The following MED17 variants were observed in gnomAD, a reference collection of about 807,000 sequenced individuals.
MED17 encodes the protein mediator of RNA polymerase II transcription subunit 17.
MED17 carries 49 observed loss-of-function variants against 80.8 expected under a neutral mutation model. The observed-to-expected ratio is 0.61, with a 90% CI of 0.48 to 0.77. The LOEUF (loss-of-function observed/expected upper bound fraction) is 0.77, where lower values mean the gene tolerates loss of function less well. Ranked by LOEUF, MED17 falls within the 30% of genes least tolerant of loss-of-function variation. The pLI, the probability that MED17 is intolerant of heterozygous loss-of-function variation, is 0.00. For missense variants in MED17, 718 were observed against 787.0 expected (o/e 0.91, Z 1.05); for synonymous variants, 281 against 280.4 (o/e 1.00, Z -0.02).
intron 5 of MED17, 189 bp downstream of exon 5, chr11:93,794,224 G>C (rs1943876237): frequency 4.9e-6 from 2 of 404,168 alleles, no homozygotes; most frequent in Admixed American, 8.7e-5. Context: ...TTTTTTTTGA[G>C]ACCAAGTTTC....
In MED17 at chr11:93,796,502, T is replaced by C. The variant is rs1349418209; in HGVS notation, c.1105T>C (p.Tyr369His). 1 of 1,614,172 alleles carries C rather than the reference T, an allele frequency of 6.2e-7. No individual in the cohort carries two copies. The highest frequency in any genetic ancestry group is 8.5e-7 in the Non-Finnish European group (1 of 1,179,994). ...TEKQCPEDHL[Y>H]VLEHNLHLLI... ...GAAGCAATGTCCGGAGGACCACCTT[T>C]ATGTCCTAGAGCATAATTTGCATCT... Residue 369 changes from tyrosine (Y) to histidine (H), a missense_variant, in exon 7 of 12, where the codon TAT becomes CAT. Transcript: ENST00000251871.
In MED17 at chr11:93,814,825, A is replaced by G. The variant is rs995217239; in HGVS notation, c.*2761A>G. On this transcript the variant is annotated 3_prime_UTR_variant, in exon 12 of 12. Coordinates refer to ENST00000251871, the MANE Select transcript of MED17 (RefSeq NM_004268.5). ...CATCAGATTTCTTTGCTGGAACACC[A>G]TCAAATCAAAGGGATAACCTGATTA... 5 of 152,202 alleles carry G rather than the reference A, an allele frequency of 3.3e-5. No homozygotes were observed. Among genetic ancestry groups the G allele is most frequent in the African/African-American group, 1.2e-4 (5 of 41,444 alleles). The allele number at this position is 152,202 out of a possible 1,614,324, so 9.4% of individuals were successfully genotyped here.
chr11:93,787,050 C>T lies in MED17; in HGVS notation c.251-951C>T, dbSNP rs189406152. 3.3e-3 allele frequency among the ~76,000 whole-genome samples: 496 copies of T among 151,554 alleles called. 5 individuals carry two copies. The highest frequency in any genetic ancestry group is 4.3e-3 in the Non-Finnish European group (290 of 67,900). On this transcript the variant is annotated intron_variant, in intron 1 of 11. Coordinates refer to ENST00000251871, the MANE Select transcript of MED17 (RefSeq NM_004268.5). ...GTCTCTAGGAAATATTAAGTGGGGG[C>T]GGGGGAAAGGCAAGTAATAGAAAAT...
In MED17 at chr11:93,808,369, TAAAAAAAAAAAAAA is replaced by T. The variant is rs137922903; in HGVS notation, c.1584+744_1584+757del. 7.4e-5 allele frequency: 8 copies of T among 107,722 alleles called. No individual in the cohort carries two copies. The East Asian group carries it at 1.8e-3, about 24-fold the overall frequency. 6.7% of individuals were successfully genotyped at this position (107,722 alleles called of 1,614,324 possible). A position where few individuals can be genotyped will look rare whatever the true frequency, so the allele number is the denominator to read the frequency against. On this transcript the variant is annotated intron_variant, in intron 10 of 11. Coordinates refer to ENST00000251871, the MANE Select transcript of MED17 (RefSeq NM_004268.5). ...GACAGAGCAAGATACCATCTCTTTT[TAAAAAAAAAAAAAA>T]AAAAAAAAAGGTGATGTGTTCTAGT...
In MED17 at chr11:93,812,445, C is replaced by CTTTTTTTTTTTTT. The variant is rs553014429; in HGVS notation, c.*392_*393insTTTTTTTTTTTTT. 13 of 352,800 alleles carry CTTTTTTTTTTTTT rather than the reference C, an allele frequency of 3.7e-5. No individual in the cohort carries two copies. Among genetic ancestry groups the CTTTTTTTTTTTTT allele is most frequent in the African/African-American group, 2.2e-4 (10 of 45,032 alleles). 21.9% of individuals were successfully genotyped at this position (352,800 alleles called of 1,614,324 possible). ...TTTTTCCCCCCAAATACTTTCTAAA[C>CTTTTTTTTTTTTT]TTTTTTTTTTTGAGATGGTATCTCA... On this transcript the variant is annotated 3_prime_UTR_variant, in exon 12 of 12. Transcript: ENST00000251871.
intron 1 of MED17, 48 bp from the exon 2 acceptor site, chr11:93,787,953 A>G (rs1248018760): frequency 5.3e-6 from 8 of 1,495,636 alleles, no homozygotes; most frequent in Admixed American, 3.3e-5. Flanking sequence ...CTGCCATTCA[A>G]TGTAACGAAT....
At chr11:93,802,084 C>T in intron 9 of MED17, 112 bp downstream of exon 9, 1 of 987,522 alleles carries the variant, frequency 1.0e-6, no homozygotes, top group South Asian at 1.5e-5. Context: ...CATAATATTT[C>T]TGTAAATTAT....
intron 8 of MED17, among the ~76,000 whole-genome samples, chr11:93,799,225 A>G (rs1591387295): frequency 6.9e-6 from 1 of 144,098 alleles, no homozygotes; most frequent in Admixed American, 7.2e-5. Flanking sequence ...TGTGTCACCC[A>G]GGCTGGAGTG....
chr11:93,794,002 C>CT lies in MED17; in HGVS notation c.827dup (p.Phe277LeufsTer29). On this transcript the variant is annotated frameshift_variant, in exon 5 of 12. Coordinates refer to ENST00000251871, the MANE Select transcript of MED17 (RefSeq NM_004268.5). LOFTEE classifies it high-confidence loss of function. The stretch of plus-strand genomic sequence containing the variant: ...TATAGGTGACCTCGGCACAGTTAAC[C>CT]TCTTCAAACGACCTTTGCCCAAATC... 6.2e-7 allele frequency: 1 copy of CT among 1,613,982 alleles called. No homozygotes were observed. The highest frequency in any genetic ancestry group is 2.2e-5 in the East Asian group (1 of 44,848).
rs1275468717 is a variant in MED17, at chr11:93,790,622, G to C, written c.466G>C (p.Ala156Pro). ...LISKKKSLAG[A>P]AQILLKGAER... The stretch of plus-strand genomic sequence containing the variant: ...ATCTAAAAAGAAGTCACTTGCTGGA[G>C]CAGCACAAATCTTATTGAAGGGGGC... The change falls in exon 3 of 12, where the codon GCA becomes CCA. Residue 156 changes from alanine to proline, a missense_variant. Transcript: ENST00000251871. The C allele has an allele frequency of 1.2e-6, 2 of 1,614,172 alleles. No individual in the cohort carries two copies. Among genetic ancestry groups the C allele is most frequent in the African/African-American group, 2.7e-5 (2 of 75,044 alleles).
At chr11:93,795,152 A>G (rs1943886808) in intron 6 of MED17, 92 bp downstream of exon 6, 18 of 1,365,030 alleles carry the variant, frequency 1.3e-5, no homozygotes, top group East Asian at 2.3e-5. Flanking sequence ...TATTGGGAGA[A>G]TAATGAGAGC....
At position 93,812,297 on chromosome 11, in the gene MED17, T is replaced by A; in HGVS notation, c.*233T>A. ...TACAGTATGACAAGATGTAAAATAA[T>A]ATGTTTTTCATGCAGTTTAAAATAT... On this transcript the variant is annotated 3_prime_UTR_variant, in exon 12 of 12. Coordinates refer to ENST00000251871, the MANE Select transcript of MED17 (RefSeq NM_004268.5). The A allele has an allele frequency of 3.5e-6, 2 of 576,234 alleles. No individual in the cohort carries two copies. Among genetic ancestry groups the A allele is most frequent in the South Asian group, 4.8e-5 (2 of 41,602 alleles). The allele number at this position is 576,234 out of a possible 1,614,324, so 35.7% of individuals were successfully genotyped here.
chr11:93,793,994 C>T lies in MED17; in HGVS notation c.818C>T (p.Thr273Ile). 1 of 1,614,028 alleles carries T rather than the reference C, an allele frequency of 6.2e-7. No individual in the cohort carries two copies. Among genetic ancestry groups the T allele is most frequent in the Non-Finnish European group, 8.5e-7 (1 of 1,179,986 alleles). Residue 273 changes from threonine to isoleucine, a missense_variant, in exon 5 of 12, where the codon ACA becomes ATA. Physicochemically the swap from Thr to Ile is moderately conservative, Grantham distance 89. Coordinates refer to ENST00000251871, the MANE Select transcript of MED17 (RefSeq NM_004268.5). ...GCTCCAGATATAGGTGACCTCGGCA[C>T]AGTTAACCTCTTCAAACGACCTTTG... ...KQAPDIGDLG[T>I]VNLFKRPLPK...
chr11:93,797,370 T>G, intron 7 of MED17, 165 bp from the exon 8 acceptor site: 1 of 667,548 alleles, frequency 1.5e-6, no homozygotes, highest in Non-Finnish European at 2.6e-6. Flanking sequence ...CAGTCTTGCA[T>G]TATGTGTGAC....
chr11:93,797,165 G>A, intron 7 of MED17: 1 of 252,462 alleles, frequency 4.0e-6, no homozygotes, highest in Non-Finnish European at 7.8e-6. Flanking sequence ...TCAGTGAAGA[G>A]GATTGTTTTA....
chr11:93,801,885 T>TA lies in MED17; in HGVS notation c.1380dup (p.Gln461ThrfsTer9). ...GCAAGCCGAATTGAGGATCCTCAGA[T>TA]ACAGGCTCATTGGTCAAATATCAAT... On this transcript the variant is annotated frameshift_variant, in exon 9 of 12. Coordinates refer to ENST00000251871, the MANE Select transcript of MED17 (RefSeq NM_004268.5). LOFTEE classifies it high-confidence loss of function. 1.2e-6 allele frequency: 2 copies of TA among 1,613,562 alleles called. No homozygotes were observed. The highest frequency in any genetic ancestry group is 1.7e-6 in the Non-Finnish European group (2 of 1,179,720).
chr11:93,794,247 C>T (rs1438359030), intron 5 of MED17: 3 of 426,754 alleles, frequency 7.0e-6, no homozygotes, highest in Non-Finnish European at 1.3e-5. Context: ...TCTTGTTGCC[C>T]AGGCTAGAGT....
In MED17 at chr11:93,812,143, A is replaced by G; in HGVS notation, c.*79A>G. On this transcript the variant is annotated 3_prime_UTR_variant, in exon 12 of 12. Coordinates refer to ENST00000251871, the MANE Select transcript of MED17 (RefSeq NM_004268.5). ...TGCAGATCAACTATAAGCACAAAGAAGAGATAACTTCCAAAAGAGTGCTGT... is the reference window on the plus strand; with the variant it reads ...TGCAGATCAACTATAAGCACAAAGAGGAGATAACTTCCAAAAGAGTGCTGT... The G allele has an allele frequency of 8.3e-7, 1 of 1,210,734 alleles. No individual in the cohort carries two copies. The highest frequency in any genetic ancestry group is 1.2e-6 in the Non-Finnish European group (1 of 817,064). 75.0% of individuals were successfully genotyped at this position (1,210,734 alleles called of 1,614,324 possible).
At chr11:93,795,397 T>A (rs1224762581) in intron 6 of MED17, 1 of 334,414 alleles carries the variant, frequency 3.0e-6, no homozygotes, top group African/African-American at 2.1e-5. Context: ...TCCTGCCTTA[T>A]TATCTAAATG....
Sources: allele counts gnomAD v4.1 joint callset (sites outside exome capture counted in the v4.1 genomes callset), GRCh38; gene constraint gnomAD v4.1.1; transcripts MANE v1.5; gene names NCBI Gene and HGNC (gene_info 2026-07-23, HGNC 2026-07-21).